Variants in ZDHHC14 observed in about 807,000 individuals in gnomAD.
ZDHHC14 encodes palmitoyltransferase ZDHHC14.
Under a neutral mutation model 47.7 loss-of-function variants are expected in ZDHHC14, and 16 were observed. The ratio of observed to expected loss-of-function variants is 0.34; its 90% CI spans 0.23 to 0.51. The LOEUF (loss-of-function observed/expected upper bound fraction) is 0.51, where lower values mean the gene tolerates loss of function less well. ZDHHC14 is among the 20% of genes least tolerant of loss of function. The pLI is 0.97. For missense variants in ZDHHC14, 515 were observed against 662.5 expected, an observed-to-expected ratio of 0.78 and a Z score of 2.44; for synonymous variants, 293 against 278.9, an observed-to-expected ratio of 1.05 and a Z score of -0.50.
At chr6:157,458,069 G>A (rs931728012) in intron 1 of ZDHHC14, among the ~76,000 whole-genome samples, 4 of 152,212 alleles carry the variant, frequency 2.6e-5, no homozygotes, top group African/African-American at 7.2e-5. Flanking sequence ...ACTCTCAGGC[G>A]GATATGCCTC....
At chr6:157,426,053 G>A (rs1026427391) in intron 1 of ZDHHC14, among the ~76,000 whole-genome samples, 1 of 152,138 alleles carries the variant, frequency 6.6e-6, no homozygotes, top group Non-Finnish European at 1.5e-5. Flanking sequence ...AGGCAGATGG[G>A]GTCAGAGTGT....
At chr6:157,478,996 C>G (rs531821644) in intron 1 of ZDHHC14, among the ~76,000 whole-genome samples, 3 of 152,288 alleles carry the variant, frequency 2.0e-5, no homozygotes, top group African/African-American at 7.2e-5. Flanking sequence ...CAGGAAAGGT[C>G]CGCGGGGAGA....
At chr6:157,407,028 T>G (rs560386344) in intron 1 of ZDHHC14, among the ~76,000 whole-genome samples, 2 of 152,242 alleles carry the variant, frequency 1.3e-5, no homozygotes, top group African/African-American at 2.4e-5. Flanking sequence ...GTGCCCTGGA[T>G]GTATAAAAGA....
chr6:157,531,597 C>G (rs1048314302), intron 1 of ZDHHC14, among the ~76,000 whole-genome samples: 3 of 152,214 alleles, frequency 2.0e-5, no homozygotes, highest in East Asian at 1.9e-4. Context: ...GCCCCACCCC[C>G]CAACCCCCAC....
At chr6:157,625,841 T>C (rs1376070563) in intron 3 of ZDHHC14, among the ~76,000 whole-genome samples, 1 of 152,038 alleles carries the variant, frequency 6.6e-6, no homozygotes. Context: ...GAAAAAGTTT[T>C]CAATACAAGT....
chr6:157,538,559 G>A (rs1781627521), intron 1 of ZDHHC14, among the ~76,000 whole-genome samples: 1 of 152,162 alleles, frequency 6.6e-6, no homozygotes, highest in Non-Finnish European at 1.5e-5. Context: ...GAGGCATCCT[G>A]CTAGGTGCTA....
At chr6:157,521,620 T>G (rs1333867570) in intron 1 of ZDHHC14, among the ~76,000 whole-genome samples, 1 of 152,194 alleles carries the variant, frequency 6.6e-6, no homozygotes, top group Non-Finnish European at 1.5e-5. Flanking sequence ...TGAACCCCAT[T>G]CATGACATAA....
intron 8 of ZDHHC14, among the ~76,000 whole-genome samples, chr6:157,664,099 C>A (rs688520): frequency 6.6e-6 from 1 of 151,962 alleles, no homozygotes; most frequent in Non-Finnish European, 1.5e-5. Flanking sequence ...TCCTTACCCA[C>A]GCTCCCCTGT....
At chr6:157,661,388 A>C (rs191388883) in intron 8 of ZDHHC14, among the ~76,000 whole-genome samples, 1 of 152,230 alleles carries the variant, frequency 6.6e-6, no homozygotes, top group East Asian at 1.9e-4. Context: ...TTCATCTTAC[A>C]TGCTGGAAGA....
intron 1 of ZDHHC14, among the ~76,000 whole-genome samples, chr6:157,400,559 A>C (rs188635862): frequency 5.8e-4 from 88 of 152,336 alleles, no homozygotes; most frequent in Non-Finnish European, 1.1e-3. Flanking sequence ...TTATTCTAGA[A>C]TATTTCACTT....
intron 3 of ZDHHC14, among the ~76,000 whole-genome samples, chr6:157,599,851 T>G (rs142549257): frequency 0.012 from 1,858 of 152,234 alleles, 43 homozygotes; most frequent in African/African-American, 0.042. Flanking sequence ...AGTAACAGAT[T>G]CAAATGAAAC....
chr6:157,413,959 CAG>C (rs1306204091), intron 1 of ZDHHC14, among the ~76,000 whole-genome samples: 1 of 151,958 alleles, frequency 6.6e-6, no homozygotes, highest in Non-Finnish European at 1.5e-5. Context: ...TGGCTTGAGA[CAG>C]AGTCTCACTC....
At chr6:157,617,781 C>T (rs1364378030) in intron 3 of ZDHHC14, among the ~76,000 whole-genome samples, 5 of 152,106 alleles carry the variant, frequency 3.3e-5, no homozygotes, top group African/African-American at 1.2e-4. Context: ...CTGGAAAAGG[C>T]GGTGGGCAGA....
chr6:157,650,651 AAGAGAG>A (rs66554628), intron 7 of ZDHHC14, among the ~76,000 whole-genome samples: 3 of 145,470 alleles, frequency 2.1e-5, no homozygotes, highest in African/African-American at 7.4e-5. Context: ...TTAAAAAAAA[AAGAGAG>A]AGAGAGAGCA....
At chr6:157,656,224 G>T (rs879577036) in intron 8 of ZDHHC14, among the ~76,000 whole-genome samples, 1 of 152,226 alleles carries the variant, frequency 6.6e-6, no homozygotes, top group Non-Finnish European at 1.5e-5. Flanking sequence ...AAGGCACCGG[G>T]CTGTGATGGA....
chr6:157,548,098 C>T (rs765273399), intron 2 of ZDHHC14, among the ~76,000 whole-genome samples: 1 of 148,820 alleles, frequency 6.7e-6, no homozygotes, highest in Non-Finnish European at 1.5e-5. Context: ...AATATACACC[C>T]CTCCCCAAAA....
chr6:157,409,845 G>GC (rs1170885908), intron 1 of ZDHHC14, among the ~76,000 whole-genome samples: 1 of 151,502 alleles, frequency 6.6e-6, no homozygotes, highest in African/African-American at 2.4e-5. Context: ...TTTTTGGGGG[G>GC]GGGGACAGAG....
At chr6:157,465,931 A>G (rs1471439098) in intron 1 of ZDHHC14, among the ~76,000 whole-genome samples, 1 of 152,018 alleles carries the variant, frequency 6.6e-6, no homozygotes, top group Non-Finnish European at 1.5e-5. Context: ...AATCCCAGCT[A>G]CTCGGGAGGC....
chr6:157,447,859 C>A (rs1416103800), intron 1 of ZDHHC14, among the ~76,000 whole-genome samples: 1 of 152,070 alleles, frequency 6.6e-6, no homozygotes, highest in East Asian at 1.9e-4. Flanking sequence ...CTCTTGTCAG[C>A]GGTGTTTAAA....
Sources: gnomAD v4.1 joint callset for allele counts (sites outside exome capture counted in the v4.1 genomes callset) on GRCh38, gnomAD v4.1.1 for gene constraint, MANE v1.5 for transcripts, NCBI Gene and HGNC (gene_info 2026-07-23, HGNC 2026-07-21) for gene names.